DCX: variants seen among roughly 807,000 people sequenced by gnomAD.
The protein encoded by DCX is neuronal migration protein doublecortin.
Under a neutral mutation model 20.9 loss-of-function variants are expected in DCX, and 4 were observed. The observed-to-expected ratio is 0.19, with a 90% CI of 0.09 to 0.44. The LOEUF is 0.44. Ranked by LOEUF, DCX falls within the 20% of genes least tolerant of loss-of-function variation. The pLI, the probability that DCX is intolerant of heterozygous loss-of-function variation, is 0.99. For missense variants in DCX, 133 were observed against 296.9 expected (o/e 0.45, Z 4.06); for synonymous variants, 103 against 111.4 (o/e 0.92, Z 0.47).
rs1411012735 is a variant in DCX, at chrX:111,405,855, CAATA to C, written c.364+4176_364+4179del. 3.1e-4 allele frequency among the ~76,000 whole-genome samples: 34 copies of C among 111,185 alleles called. No homozygotes were observed. The Admixed American group carries it at 3.2e-3, about 11-fold the overall frequency. ...CCAAGGACTGTGGGAAAACTGACAT[CAATA>C]ACCTTTGATCCAAAATGCTTCCCTT... On this transcript the variant is annotated intron_variant, in intron 2 of 6. Coordinates refer to ENST00000636035, the MANE Select transcript of DCX (RefSeq NM_001195553.2).
chrX:111,338,340 C>T (rs759427748), intron 3 of DCX, among the ~76,000 whole-genome samples: 4 of 112,087 alleles, frequency 3.6e-5, no homozygotes, highest in African/African-American at 1.3e-4. Context: ...GCAAGGAACA[C>T]AAACCACACT....
rs755494716 is a variant in DCX, at chrX:111,345,058, A to G, written c.706-11905T>C. On this transcript the variant is annotated intron_variant, in intron 3 of 6. Coordinates refer to ENST00000636035, the MANE Select transcript of DCX (RefSeq NM_001195553.2). Reference sequence around the variant, plus strand: ...GCAAAACAGTCATATAGACTGATGGAACAAAACAGCAACCTCAGACATAAT... The same window carrying G: ...GCAAAACAGTCATATAGACTGATGGGACAAAACAGCAACCTCAGACATAAT... Among the ~76,000 whole-genome samples the G allele has an allele frequency of 8.9e-5, 10 of 111,860 alleles. No homozygotes were observed. The East Asian group carries it at 2.8e-3, about 31-fold the overall frequency.
chrX:111,412,013 G>T (rs766663435), intron 1 of DCX, 125 bp downstream of exon 1: 1 of 112,059 alleles, frequency 8.9e-6, no homozygotes, highest in Non-Finnish European at 1.9e-5. Context: ...GGAAAAAATC[G>T]GATAGAATAA....
intron 3 of DCX, among the ~76,000 whole-genome samples, chrX:111,344,870 TC>T: frequency 8.9e-6 from 1 of 111,805 alleles, no homozygotes; most frequent in Non-Finnish European, 1.9e-5. Context: ...TTGACATTCT[TC>T]ACAGAATTAG....
At chrX:111,303,206 G>A (rs1569484858) in intron 6 of DCX, among the ~76,000 whole-genome samples, 1 of 108,670 alleles carries the variant, frequency 9.2e-6, no homozygotes, top group Non-Finnish European at 1.9e-5. Context: ...TCCTACCTCA[G>A]CCTCCCGAGT....
rs1927752940 is a variant in DCX, at chrX:111,401,125, C to T, written c.570G>A (p.Lys190=). 1 of 1,209,643 alleles carries T rather than the reference C, an allele frequency of 8.3e-7. No individual in the cohort carries two copies. The highest frequency in any genetic ancestry group is 1.8e-5 in the African/African-American group (1 of 57,015). The change falls in exon 3 of 7, where the codon AAG becomes AAA. Residue 190 remains lysine (K), a synonymous_variant. Coordinates refer to ENST00000636035, the MANE Select transcript of DCX (RefSeq NM_001195553.2). ...KLVTIIRSGV[K]PRKAVRVLLN... The stretch of plus-strand genomic sequence containing the variant: ...GAAGCACACGCACAGCCTTCCGAGG[C>T]TTCACCCCACTGCGGATGATGGTAA...
chrX:111,392,701 G>T (rs1345583502), intron 3 of DCX, among the ~76,000 whole-genome samples: 4 of 111,765 alleles, frequency 3.6e-5, no homozygotes, highest in African/African-American at 1.3e-4. Flanking sequence ...AATTGACTTT[G>T]GTGATGGTCA....
chrX:111,366,357 A>C (rs866082872), intron 3 of DCX, among the ~76,000 whole-genome samples: 2 of 112,034 alleles, frequency 1.8e-5, no homozygotes, highest in Non-Finnish European at 3.8e-5. Context: ...AAACAGGGAT[A>C]GTAATCAGGA....
At chrX:111,368,663 G>A (rs959434296) in intron 3 of DCX, among the ~76,000 whole-genome samples, 10 of 110,526 alleles carry the variant, frequency 9.0e-5, no homozygotes, top group Non-Finnish European at 1.7e-4. Context: ...TCCACTTCTT[G>A]CCCTGTATCT....
chrX:111,301,732 C>A lies in DCX; in HGVS notation c.1056G>T (p.Leu352=). ...AGTCCGAGTCATCCAAGGACAGAGGCAGGTACAGGTCCTATAAGAAGAGAA... is the reference window on the plus strand; with the variant it reads ...AGTCCGAGTCATCCAAGGACAGAGGAAGGTACAGGTCCTATAAGAAGAGAA... The part of the protein sequence containing the change: ...SLRKHKVDLY[L]PLSLDDSDSL... Residue 352 remains leucine (L), a synonymous_variant, in exon 7 of 7, where the codon CTG becomes CTT. Coordinates refer to ENST00000636035, the MANE Select transcript of DCX (RefSeq NM_001195553.2). 1 of 1,210,849 alleles carries A rather than the reference C, an allele frequency of 8.3e-7. No individual in the cohort carries two copies. The highest frequency in any genetic ancestry group is 1.1e-6 in the Non-Finnish European group (1 of 894,839).
chrX:111,390,230 T>C (rs993674993), intron 3 of DCX, among the ~76,000 whole-genome samples: 3 of 111,825 alleles, frequency 2.7e-5, no homozygotes, highest in Non-Finnish European at 3.8e-5. Context: ...AAGAAGGACA[T>C]GGGAATTGAA....
At chrX:111,391,241 C>T (rs372521417) in intron 3 of DCX, among the ~76,000 whole-genome samples, 6 of 110,683 alleles carry the variant, frequency 5.4e-5, no homozygotes, top group African/African-American at 2.0e-4. Context: ...TTTGGCACTT[C>T]CCCATTGCTC....
In DCX at chrX:111,358,171, A is replaced by G. The variant is rs188277519; in HGVS notation, c.706-25018T>C. On this transcript the variant is annotated intron_variant, in intron 3 of 6. Coordinates refer to ENST00000636035, the MANE Select transcript of DCX (RefSeq NM_001195553.2). ...AAGATTTCATTTCTAAAAAGATTCC[A>G]TTGCAAAAAACAATTTTAAACCATT... Among the ~76,000 whole-genome samples, 262 of 112,333 alleles carry G rather than the reference A, an allele frequency of 2.3e-3. 1 individual carries two copies. Among genetic ancestry groups the G allele is most frequent in the African/African-American group, 7.9e-3 (245 of 30,983 alleles).
chrX:111,330,248 A>T (rs1160291704), intron 5 of DCX, among the ~76,000 whole-genome samples: 1 of 112,396 alleles, frequency 8.9e-6, no homozygotes, highest in East Asian at 2.8e-4. Context: ...CCACAGACTG[A>T]CTGGTAATAA....
At chrX:111,312,457 A>T (rs1173615686) in intron 6 of DCX, among the ~76,000 whole-genome samples, 182 bp downstream of exon 6, 2 of 112,207 alleles carry the variant, frequency 1.8e-5, no homozygotes, top group Non-Finnish European at 1.9e-5. Context: ...AATTGGAGGA[A>T]TAAATAAAAG....
Position 111,410,249 on chromosome X carries a change from C to T in DCX, c.150G>A (p.Lys50=). 1 of 1,211,545 alleles carries T rather than the reference C, an allele frequency of 8.3e-7. No individual in the cohort carries two copies. The highest frequency in any genetic ancestry group is 1.1e-6 in the Non-Finnish European group (1 of 895,480). ...GGTAGAAACGTACCTTCTTGGCTTT[C>T]TTCTCATTACTCAGTGCCTGCAAGG... The part of the protein sequence containing the change: ...TRTLQALSNE[K]KAKKVRFYRN... Residue 50 remains lysine, a synonymous_variant, in exon 2 of 7, where the codon AAG becomes AAA. Coordinates refer to ENST00000636035, the MANE Select transcript of DCX (RefSeq NM_001195553.2).
At chrX:111,338,183 C>A (rs1179409430) in intron 3 of DCX, among the ~76,000 whole-genome samples, 4 of 112,161 alleles carry the variant, frequency 3.6e-5, no homozygotes, top group African/African-American at 1.3e-4. Context: ...CTGTGCAGAG[C>A]ACAATTAATT....
At chrX:111,379,922 G>C (rs1925840316) in intron 3 of DCX, among the ~76,000 whole-genome samples, 1 of 110,942 alleles carries the variant, frequency 9.0e-6, no homozygotes, top group Non-Finnish European at 1.9e-5. Context: ...TCTCATTGTA[G>C]TCTCGATTTG....
intron 3 of DCX, among the ~76,000 whole-genome samples, chrX:111,358,248 A>T (rs1385949783): frequency 8.9e-6 from 1 of 112,455 alleles, no homozygotes; most frequent in Non-Finnish European, 1.9e-5. Context: ...TTGTGTGCAA[A>T]TTAATGAAAT....
Sources: allele counts gnomAD v4.1 joint callset (sites outside exome capture counted in the v4.1 genomes callset), GRCh38; gene constraint gnomAD v4.1.1; transcripts MANE v1.5; gene names NCBI Gene and HGNC (gene_info 2026-07-23, HGNC 2026-07-21).